Variants in NRDE2 observed in about 807,000 individuals in gnomAD.
NRDE2 encodes nuclear exosome regulator NRDE2.
NRDE2 carries 76 observed loss-of-function variants against 124.2 expected under a neutral mutation model. That is an observed-to-expected ratio of 0.61 (90% CI 0.51 to 0.74). NRDE2 has a LOEUF of 0.74. Among genes scored for constraint, NRDE2 ranks in the 30% least tolerant of loss-of-function variants. The pLI, the probability that NRDE2 is intolerant of heterozygous loss-of-function variation, is 0.00. For missense variants in NRDE2, 1,314 were observed against 1,417.3 expected, an observed-to-expected ratio of 0.93 and a Z score of 1.17; for synonymous variants, 489 against 528.1, an observed-to-expected ratio of 0.93 and a Z score of 1.01.
intron 1 of NRDE2, among the ~76,000 whole-genome samples, chr14:90,320,433 C>T (rs539515823): frequency 5.3e-5 from 8 of 152,326 alleles, no homozygotes; most frequent in African/African-American, 1.9e-4. Context: ...GGCGAACTGC[C>T]CCCAGGATCC....
In NRDE2 at chr14:90,275,925, C is replaced by T. The variant is rs1891792903; in HGVS notation, c.*2411G>A. 6.6e-6 allele frequency: 1 copy of T among 152,290 alleles called. No homozygotes were observed. Among genetic ancestry groups the T allele is most frequent in the African/African-American group, 2.4e-5 (1 of 41,454 alleles). 9.4% of individuals were successfully genotyped at this position (152,290 alleles called of 1,614,324 possible). On this transcript the variant is annotated 3_prime_UTR_variant, in exon 14 of 14. Coordinates refer to ENST00000354366, the MANE Select transcript of NRDE2 (RefSeq NM_017970.4). ...TAGCTGCCTCCTCCTACTGGGAACACAGCACAGAGGTGCCTCCTGGCCTCC... is the reference window on the plus strand; with the variant it reads ...TAGCTGCCTCCTCCTACTGGGAACATAGCACAGAGGTGCCTCCTGGCCTCC...
In NRDE2 at chr14:90,278,274, C is replaced by G; in HGVS notation, c.*62G>C. 1 of 1,605,594 alleles carries G rather than the reference C, an allele frequency of 6.2e-7. No homozygotes were observed. The highest frequency in any genetic ancestry group is 1.7e-5 in the Admixed American group (1 of 59,740). On this transcript the variant is annotated 3_prime_UTR_variant, in exon 14 of 14. Coordinates refer to ENST00000354366, the MANE Select transcript of NRDE2 (RefSeq NM_017970.4). ...TAACACACACGTTCTCTGCTCGCGC[C>G]TCCTAGCTCCGCAGGGTGGGCAACT...
intron 8 of NRDE2, among the ~76,000 whole-genome samples, chr14:90,297,090 G>C (rs1047136832): frequency 6.8e-6 from 1 of 147,806 alleles, no homozygotes; most frequent in Non-Finnish European, 1.5e-5. Context: ...AGTGAGCCAA[G>C]ATCGAGCCAC....
chr14:90,286,106 A>G (rs895106447), intron 12 of NRDE2, among the ~76,000 whole-genome samples: 3 of 152,170 alleles, frequency 2.0e-5, no homozygotes, highest in African/African-American at 7.2e-5. Context: ...CCCAGTAACT[A>G]CTCAACTTCG....
chr14:90,302,583 T>C (rs1884443755), intron 6 of NRDE2, 137 bp downstream of exon 6: 1 of 999,552 alleles, frequency 1.0e-6, no homozygotes, highest in Non-Finnish European at 1.4e-6. Flanking sequence ...AGAGTCGTAA[T>C]ACTTTTTTAA....
chr14:90,300,719 A>G, intron 7 of NRDE2, among the ~76,000 whole-genome samples: 1 of 148,704 alleles, frequency 6.7e-6, no homozygotes, highest in Non-Finnish European at 1.5e-5. Flanking sequence ...GGGTACTTAG[A>G]AGGTTAACTG....
chr14:90,295,729 A>G (rs1394904519), intron 8 of NRDE2, among the ~76,000 whole-genome samples: 1 of 152,248 alleles, frequency 6.6e-6, no homozygotes, highest in African/African-American at 2.4e-5. Flanking sequence ...TAAATAAGAG[A>G]AGTTAAAAAT....
intron 8 of NRDE2, among the ~76,000 whole-genome samples, chr14:90,297,008 G>A (rs757760717): frequency 6.6e-6 from 1 of 151,790 alleles, no homozygotes; most frequent in Admixed American, 6.6e-5. Flanking sequence ...GCGTGGTGGT[G>A]CATACCTGTA....
chr14:90,285,458 C>T lies in NRDE2; in HGVS notation c.3297+896G>A, dbSNP rs576415248. On this transcript the variant is annotated intron_variant, in intron 12 of 13. Coordinates refer to ENST00000354366, the MANE Select transcript of NRDE2 (RefSeq NM_017970.4). ...CTGGGATTACAGGTGCATACCACCACACCCAGCTAATTTTTGTATTTTTAG... is the reference window on the plus strand; with the variant it reads ...CTGGGATTACAGGTGCATACCACCATACCCAGCTAATTTTTGTATTTTTAG... Among the ~76,000 whole-genome samples the T allele has an allele frequency of 1.6e-4, 25 of 151,654 alleles. No homozygotes were observed. In the South Asian group the frequency reaches 2.5e-3, roughly 15 times the overall value.
In NRDE2 at chr14:90,270,523, C is replaced by A; in HGVS notation, c.*7813G>T. On this transcript the variant is annotated 3_prime_UTR_variant, in exon 14 of 14. Transcript: ENST00000354366. Reference sequence around the variant, plus strand: ...TGGTATATGTGCTTGATATTGAAGTCATTCTTAATGCATCATTTTATGCAG... The same window carrying A: ...TGGTATATGTGCTTGATATTGAAGTAATTCTTAATGCATCATTTTATGCAG... 2.9e-6 allele frequency: 2 copies of A among 688,144 alleles called. No individual in the cohort carries two copies. Among genetic ancestry groups the A allele is most frequent in the Non-Finnish European group, 4.5e-6 (2 of 448,214 alleles). 42.6% of individuals were successfully genotyped at this position (688,144 alleles called of 1,614,324 possible).
At chr14:90,283,702 G>A (rs1892016683) in intron 12 of NRDE2, among the ~76,000 whole-genome samples, 1 of 150,830 alleles carries the variant, frequency 6.6e-6, no homozygotes. Flanking sequence ...ATAAACTTTT[G>A]CAGGTTTTTT....
In NRDE2 at chr14:90,318,067, C is replaced by T. The variant is rs761660141; in HGVS notation, c.111G>A (p.Thr37=). Residue 37 remains threonine, a synonymous_variant, in exon 2 of 14, where the codon ACG becomes ACA. Transcript: ENST00000354366. The part of the protein sequence containing the change: ...SNPSFCVGSI[T]SLSQQTEAAP... ...CTGCTTCAGTTTGTTGGCTCAGGGA[C>T]GTTATGGATCCAACACAAAAGCTTG... 78 of 1,613,978 alleles carry T rather than the reference C, an allele frequency of 4.8e-5. 1 individual carries two copies. In the East Asian group the frequency reaches 1.6e-3, roughly 34 times the overall value.
rs1361725518 is a variant in NRDE2 at position 90,268,921 on chromosome 14, A to G, written c.*9415T>C. ...CACAGTTCTGGAGGCTGAGAAGCCCAAGATCAAGGCACTGGCATTGATGTC... is the reference window on the plus strand; with the variant it reads ...CACAGTTCTGGAGGCTGAGAAGCCCGAGATCAAGGCACTGGCATTGATGTC... On this transcript the variant is annotated 3_prime_UTR_variant, in exon 14 of 14. Coordinates refer to ENST00000354366, the MANE Select transcript of NRDE2 (RefSeq NM_017970.4). 1 of 159,506 alleles carries G rather than the reference A, an allele frequency of 6.3e-6. No homozygotes were observed. The highest frequency in any genetic ancestry group is 1.4e-5 in the Non-Finnish European group (1 of 72,814). 9.9% of individuals were successfully genotyped at this position (159,506 alleles called of 1,614,324 possible).
In NRDE2 at chr14:90,312,455, C is replaced by T; in HGVS notation, c.496G>A (p.Asp166Asn). 6.2e-7 allele frequency: 1 copy of T among 1,614,162 alleles called. No homozygotes were observed. Among genetic ancestry groups the T allele is most frequent in the East Asian group, 2.2e-5 (1 of 44,876 alleles). ...QAVTGETFRT[D>N]KKPDPANWEY... ...CAGTTCGCAGGATCTGGTTTCTTAT[C>T]TGTTCTGAAGGTTTCTCCCGTCACA... The change falls in exon 4 of 14, where the codon GAT becomes AAT. Residue 166 changes from aspartate to asparagine, a missense_variant. By Grantham distance (23) the Asp-to-Asn change is conservative (BLOSUM62 1). Transcript: ENST00000354366.
intron 1 of NRDE2, among the ~76,000 whole-genome samples, chr14:90,330,655 TA>T (rs1056720180): frequency 1.7e-4 from 26 of 151,630 alleles, no homozygotes; most frequent in Admixed American, 3.3e-4. Flanking sequence ...TACTAAATAT[TA>T]AAAAAAATTA....
intron 1 of NRDE2, among the ~76,000 whole-genome samples, chr14:90,319,877 A>G (rs1181186334): frequency 6.6e-6 from 1 of 152,210 alleles, no homozygotes; most frequent in Non-Finnish European, 1.5e-5. Flanking sequence ...GGTAACTCAT[A>G]TTTAACATTT....
In NRDE2 at chr14:90,273,980, A is replaced by G. The variant is rs1891733199; in HGVS notation, c.*4356T>C. 6.5e-6 allele frequency: 1 copy of G among 154,580 alleles called. No individual in the cohort carries two copies. Among genetic ancestry groups the G allele is most frequent in the African/African-American group, 2.4e-5 (1 of 41,474 alleles). The allele number at this position is 154,580 out of a possible 1,614,324, so 9.6% of individuals were successfully genotyped here. Reference sequence around the variant, plus strand: ...TAATTTCCCTGTTTTAAAGTTTACAATCTTCTTAATTTTTATCTGCAAAGT... The same window carrying G: ...TAATTTCCCTGTTTTAAAGTTTACAGTCTTCTTAATTTTTATCTGCAAAGT... On this transcript the variant is annotated 3_prime_UTR_variant, in exon 14 of 14. Coordinates refer to ENST00000354366, the MANE Select transcript of NRDE2 (RefSeq NM_017970.4).
intron 3 of NRDE2, among the ~76,000 whole-genome samples, chr14:90,314,553 A>G (rs1884971173): frequency 6.6e-6 from 1 of 152,190 alleles, no homozygotes; most frequent in Non-Finnish European, 1.5e-5. Flanking sequence ...AGTTCTAAAG[A>G]TAGTTCCTGT....
chr14:90,273,866 C>G lies in NRDE2; in HGVS notation c.*4470G>C. The G allele has an allele frequency of 6.4e-6, 1 of 155,082 alleles. No individual in the cohort carries two copies. The highest frequency in any genetic ancestry group is 5.2e-4 in the Middle Eastern group (1 of 1,926). 9.6% of individuals were successfully genotyped at this position (155,082 alleles called of 1,614,324 possible). A position where few individuals can be genotyped will look rare whatever the true frequency, so the allele number is the denominator to read the frequency against. ...TCCACCAGCAGCAGCAGGCCCAGTC[C>G]CTCTCTCCCACCGACCCTTCTTTCT... On this transcript the variant is annotated 3_prime_UTR_variant, in exon 14 of 14. Transcript: ENST00000354366.
Sources: allele counts gnomAD v4.1 joint callset (sites outside exome capture counted in the v4.1 genomes callset), GRCh38; gene constraint gnomAD v4.1.1; transcripts MANE v1.5; gene names NCBI Gene and HGNC (gene_info 2026-07-23, HGNC 2026-07-21).